Variants in RXFP2 observed in about 807,000 individuals in gnomAD.
The protein encoded by RXFP2 is relaxin receptor 2.
RXFP2 carries 68 observed loss-of-function variants against 88.6 expected under a neutral mutation model. The observed-to-expected ratio is 0.77, with a 90% CI of 0.63 to 0.94. RXFP2 has a LOEUF of 0.94. Among genes scored for constraint, RXFP2 ranks in the 40% least tolerant of loss-of-function variants. The pLI, the probability that RXFP2 is intolerant of heterozygous loss-of-function variation, is 0.00. For missense variants in RXFP2, 791 were observed against 893.9 expected, an observed-to-expected ratio of 0.88 and a Z score of 1.47; for synonymous variants, 329 against 306.8, an observed-to-expected ratio of 1.07 and a Z score of -0.76.
chr13:31,776,702 A>C (rs973010017), intron 7 of RXFP2, among the ~76,000 whole-genome samples: 4 of 152,184 alleles, frequency 2.6e-5, no homozygotes, highest in Admixed American at 6.5e-5. Context: ...GTAGGTGCTC[A>C]ATGTGGCTTC....
intron 2 of RXFP2, 81 bp downstream of exon 2, chr13:31,758,485 G>A: frequency 6.8e-7 from 1 of 1,472,916 alleles, no homozygotes; most frequent in Non-Finnish European, 9.4e-7. Context: ...TAATGATTGT[G>A]ATAAACTAGG....
At chr13:31,776,096 C>CTT (rs5802616) in intron 7 of RXFP2, among the ~76,000 whole-genome samples, 1 of 131,184 alleles carries the variant, frequency 7.6e-6, no homozygotes, top group Non-Finnish European at 1.6e-5. Context: ...TTCTTTCTTT[C>CTT]TTTTCTTTTC....
intron 4 of RXFP2, 119 bp downstream of exon 4, chr13:31,765,261 A>G: frequency 1.5e-6 from 1 of 682,434 alleles, no homozygotes; most frequent in East Asian, 2.8e-5. Flanking sequence ...TAAAACTACC[A>G]GTCATCAGAG....
intron 1 of RXFP2, among the ~76,000 whole-genome samples, chr13:31,741,979 C>T (rs1232626767): frequency 1.3e-5 from 2 of 152,004 alleles, no homozygotes; most frequent in Non-Finnish European, 2.9e-5. Flanking sequence ...AACTATCTTG[C>T]GTTAACGTAA....
chr13:31,785,724 A>C (rs141781902), intron 11 of RXFP2, among the ~76,000 whole-genome samples: 125 of 152,246 alleles, frequency 8.2e-4, no homozygotes, highest in African/African-American at 2.9e-3. Flanking sequence ...TCTCTGGCTC[A>C]GAAATATACT....
chr13:31,759,244 T>TA (rs955457098), intron 2 of RXFP2, among the ~76,000 whole-genome samples: 1 of 150,752 alleles, frequency 6.6e-6, no homozygotes, highest in Admixed American at 6.6e-5. Context: ...AACCTGTATG[T>TA]AAAAAAATCA....
chr13:31,768,778 A>G (rs1034228460), intron 5 of RXFP2, among the ~76,000 whole-genome samples: 2 of 151,582 alleles, frequency 1.3e-5, no homozygotes, highest in Non-Finnish European at 2.9e-5. Flanking sequence ...ACATTCCTCA[A>G]CTCCTCCTGC....
intron 3 of RXFP2, among the ~76,000 whole-genome samples, chr13:31,764,649 A>C (rs1566221458): frequency 1.3e-5 from 2 of 152,250 alleles, no homozygotes; most frequent in South Asian, 4.1e-4. Flanking sequence ...ATAAGGATTT[A>C]TTGAGCAACT....
chr13:31,770,209 A>G (rs1872686917), intron 5 of RXFP2, among the ~76,000 whole-genome samples: 1 of 152,184 alleles, frequency 6.6e-6, no homozygotes, highest in Non-Finnish European at 1.5e-5. Context: ...AAGCAGCATC[A>G]TATTCACCTG....
chr13:31,799,749 T>C (rs1294908604), intron 17 of RXFP2, among the ~76,000 whole-genome samples: 2 of 152,158 alleles, frequency 1.3e-5, no homozygotes, highest in East Asian at 3.9e-4. Flanking sequence ...TTTCTGTCTG[T>C]ATGAGGCCAC....
rs1424237687 is a variant in RXFP2 at position 31,776,134 on chromosome 13, C to CTTTG, written c.641+748_641+749insGTTT. On this transcript the variant is annotated intron_variant, in intron 7 of 17. Coordinates refer to ENST00000298386, the MANE Select transcript of RXFP2 (RefSeq NM_130806.5). The stretch of plus-strand genomic sequence containing the variant: ...TCTTTCTTTCTTTCTTTCTTTCTTT[C>CTTTG]TTTCTTTCTCTTTCTCTCTCTCTCT... Among the ~76,000 whole-genome samples, 4 of 139,780 alleles carry CTTTG rather than the reference C, an allele frequency of 2.9e-5. No homozygotes were observed. In the Admixed American group the frequency reaches 3.0e-4, roughly 10 times the overall value. 91.7% of individuals were successfully genotyped at this position (139,780 alleles called of 152,430 possible). A position where few individuals can be genotyped will look rare whatever the true frequency, so the allele number is the denominator to read the frequency against.
chr13:31,798,574 C>T (rs891274785), intron 17 of RXFP2, among the ~76,000 whole-genome samples: 1 of 152,188 alleles, frequency 6.6e-6, no homozygotes, highest in Admixed American at 6.5e-5. Context: ...TTACTGCTAC[C>T]TGGACATCTC....
At position 31,802,280 on chromosome 13, in the gene RXFP2, A is replaced by G. The variant is rs1874383231; in HGVS notation, c.2140A>G (p.Ile714Val). 6.2e-7 allele frequency: 1 copy of G among 1,613,678 alleles called. No individual in the cohort carries two copies. Among genetic ancestry groups the G allele is most frequent in the Admixed American group, 1.7e-5 (1 of 59,968 alleles). ...GCTGCACAAACATCAGAGGAAATCA[A>G]TTTTCAAAATTAAAAAAAAAAGTTT... ...QLLHKHQRKSIFKIKKKSLST... is the reference protein window; with the variant it reads ...QLLHKHQRKSVFKIKKKSLST... The change falls in exon 18 of 18, where the codon ATT (isoleucine) becomes GTT (valine). Residue 714 changes from isoleucine (I) to valine (V), a missense_variant. Coordinates refer to ENST00000298386, the MANE Select transcript of RXFP2 (RefSeq NM_130806.5).
rs12870532 is a variant in RXFP2, at chr13:31,765,245, C to T, written c.425+103C>T. 393,164 of 728,628 alleles carry T rather than the reference C, an allele frequency of 0.54. 107,597 individuals are homozygous for T. The highest frequency in any genetic ancestry group is 0.65 in the Admixed American group (32,420 of 49,742). 45.1% of individuals were successfully genotyped at this position (728,628 alleles called of 1,614,324 possible). A position where few individuals can be genotyped will look rare whatever the true frequency, so the allele number is the denominator to read the frequency against. Reference sequence around the variant, plus strand: ...TGTGCATTAGCAAAATAATAGAAACCCTGTTTAAAACTACCAGTCATCAGA... The same window carrying T: ...TGTGCATTAGCAAAATAATAGAAACTCTGTTTAAAACTACCAGTCATCAGA... On this transcript the variant is annotated intron_variant, in intron 4 of 17. Coordinates refer to ENST00000298386, the MANE Select transcript of RXFP2 (RefSeq NM_130806.5).
intron 3 of RXFP2, 109 bp downstream of exon 3, chr13:31,761,910 G>T: frequency 5.6e-6 from 4 of 711,766 alleles, no homozygotes; most frequent in East Asian, 3.1e-5. Flanking sequence ...TTCCGTTTTA[G>T]TTCAATGTAT....
At chr13:31,740,668 A>G (rs1871195573) in intron 1 of RXFP2, among the ~76,000 whole-genome samples, 1 of 152,052 alleles carries the variant, frequency 6.6e-6, no homozygotes, top group Non-Finnish European at 1.5e-5. Flanking sequence ...AAAGATTTTT[A>G]AAAGGCTTAA....
chr13:31,778,620 C>A, intron 9 of RXFP2, 37 bp downstream of exon 9: 2 of 1,388,602 alleles, frequency 1.4e-6, no homozygotes, highest in Non-Finnish European at 2.1e-6. Context: ...GTTATTTGCC[C>A]TGATTAAGGA....
chr13:31,771,665 A>C (rs751364555), intron 5 of RXFP2, among the ~76,000 whole-genome samples: 14 of 152,012 alleles, frequency 9.2e-5, no homozygotes, highest in Non-Finnish European at 1.8e-4. Flanking sequence ...GGTGGCGTGC[A>C]TCTGTAGTCC....
At chr13:31,775,506 T>G (rs1872908692) in intron 7 of RXFP2, 117 bp downstream of exon 7, 1 of 810,710 alleles carries the variant, frequency 1.2e-6, no homozygotes, top group Non-Finnish European at 2.1e-6. Flanking sequence ...CTTTTCTGAT[T>G]ATCATATAAT....
Sources: gnomAD v4.1 joint callset for allele counts (sites outside exome capture counted in the v4.1 genomes callset) on GRCh38, gnomAD v4.1.1 for gene constraint, MANE v1.5 for transcripts, NCBI Gene and HGNC (gene_info 2026-07-23, HGNC 2026-07-21) for gene names.